The following SLCO1B1 variants were observed in gnomAD, a reference collection of about 807,000 sequenced individuals.
SLCO1B1 encodes solute carrier organic anion transporter family member 1B1.
Under a neutral mutation model 70.1 loss-of-function variants are expected in SLCO1B1, and 81 were observed. The observed-to-expected ratio is 1.16, with a 90% CI of 0.97 to 1.39. The LOEUF is 1.39. SLCO1B1 is among the 40% of genes most tolerant of loss of function. The pLI, the probability that SLCO1B1 is intolerant of heterozygous loss-of-function variation, is 0.00. For synonymous variants in SLCO1B1, 283 were observed against 271.5 expected, an observed-to-expected ratio of 1.04 and a Z score of -0.42; for missense variants, 895 against 799.6, an observed-to-expected ratio of 1.12 and a Z score of -1.44.
intron 14 of SLCO1B1, among the ~76,000 whole-genome samples, chr12:21,236,701 A>G (rs561166991): frequency 1.3e-5 from 2 of 151,970 alleles, no homozygotes; most frequent in Non-Finnish European, 2.9e-5. Context: ...TCTTTACTAC[A>G]CCACAGCTGC....
chr12:21,213,363 T>G (rs1941313087), intron 11 of SLCO1B1, among the ~76,000 whole-genome samples: 1 of 152,024 alleles, frequency 6.6e-6, no homozygotes, highest in African/African-American at 2.4e-5. Flanking sequence ...GGTTGAAAAT[T>G]CTTGTCTTTA....
At chr12:21,211,562 G>T (rs900946339) in intron 11 of SLCO1B1, among the ~76,000 whole-genome samples, 59 of 152,166 alleles carry the variant, frequency 3.9e-4, no homozygotes, top group African/African-American at 1.4e-3. Flanking sequence ...GTATCAGAAT[G>T]ATGCTGGCCT....
At chr12:21,178,864 G>A (rs1322913904) in intron 6 of SLCO1B1, 58 bp from the exon 7 acceptor site, 14 of 1,407,078 alleles carry the variant, frequency 9.9e-6, no homozygotes, top group East Asian at 6.8e-5. Flanking sequence ...TTAAAAACAT[G>A]GTGAATAAGA....
In SLCO1B1 at chr12:21,212,147, T is replaced by G. The variant is rs546587025; in HGVS notation, c.1498-4972T>G. Among the ~76,000 whole-genome samples the G allele has an allele frequency of 2.7e-4, 35 of 129,458 alleles. No homozygotes were observed. The East Asian group carries it at 3.3e-3, about 12-fold the overall frequency. The allele number at this position is 129,458 out of a possible 152,430, so 84.9% of individuals were successfully genotyped here. A position where few individuals can be genotyped will look rare whatever the true frequency, so the allele number is the denominator to read the frequency against. ...CTCTTGCTTTTCTAGTTCTTTTAATTGTGATGTTAGGGTGTCAATTTTGGA... is the reference window on the plus strand; with the variant it reads ...CTCTTGCTTTTCTAGTTCTTTTAATGGTGATGTTAGGGTGTCAATTTTGGA... On this transcript the variant is annotated intron_variant, in intron 11 of 14. Transcript: ENST00000256958.
At chr12:21,179,239 A>G (rs778612164) in intron 7 of SLCO1B1, among the ~76,000 whole-genome samples, 4 of 152,192 alleles carry the variant, frequency 2.6e-5, no homozygotes, top group Non-Finnish European at 5.9e-5. Flanking sequence ...GAGAGAATGT[A>G]AACAAATTTA....
intron 11 of SLCO1B1, among the ~76,000 whole-genome samples, chr12:21,215,686 C>CT (rs1212321846): frequency 6.6e-6 from 1 of 151,996 alleles, no homozygotes; most frequent in African/African-American, 2.4e-5. Flanking sequence ...GTTTTTGTGT[C>CT]TTGCTATATT....
intron 1 of SLCO1B1, among the ~76,000 whole-genome samples, chr12:21,132,554 T>A (rs140271500): frequency 2.9e-4 from 44 of 152,324 alleles, no homozygotes; most frequent in African/African-American, 1.1e-3. Flanking sequence ...AGTATCTCAT[T>A]GTGGTTTTGA....
In SLCO1B1 at chr12:21,239,141, T is replaced by C; in HGVS notation, c.2028T>C (p.Asn676=). 1.2e-6 allele frequency: 2 copies of C among 1,613,248 alleles called. No homozygotes were observed. The highest frequency in any genetic ancestry group is 1.7e-6 in the Non-Finnish European group (2 of 1,179,498). ...CAAACTTAGAATCCTTAAATAAAAA[T>C]AAACATTTTGTCCCTTCTGCTGGGG... is the stretch of plus-strand genomic sequence containing the variant. ...DEANLESLNK[N]KHFVPSAGAD... The change falls in exon 15 of 15, where the codon AAT becomes AAC. Residue 676 remains asparagine, a synonymous_variant. Coordinates refer to ENST00000256958, the MANE Select transcript of SLCO1B1 (RefSeq NM_006446.5).
rs139383397 is a variant in SLCO1B1 at position 21,169,306 on chromosome 12, G to A, written c.85-3344G>A. On this transcript the variant is annotated intron_variant, in intron 2 of 14. Coordinates refer to ENST00000256958, the MANE Select transcript of SLCO1B1 (RefSeq NM_006446.5). ...ATCTCTTAAGATTTAAAAAAATGGG[G>A]TCCATAATTTACAAGTTTTCAGACC... Among the ~76,000 whole-genome samples the A allele has an allele frequency of 3.1e-3, 467 of 152,170 alleles. 5 individuals carry two copies. Among genetic ancestry groups the A allele is most frequent in the African/African-American group, 0.01 (434 of 41,536 alleles).
chr12:21,132,236 T>C (rs1940147518), intron 1 of SLCO1B1, among the ~76,000 whole-genome samples: 1 of 152,214 alleles, frequency 6.6e-6, no homozygotes, highest in South Asian at 2.1e-4. Context: ...ACTCTATCGT[T>C]GTTGGACATT....
chr12:21,229,078 A>G (rs973012986), intron 14 of SLCO1B1, among the ~76,000 whole-genome samples: 2 of 152,192 alleles, frequency 1.3e-5, no homozygotes, highest in African/African-American at 4.8e-5. Context: ...TTTTTTAAAT[A>G]AACTCAATTT....
intron 11 of SLCO1B1, among the ~76,000 whole-genome samples, chr12:21,212,125 T>A: frequency 1.5e-5 from 2 of 136,842 alleles, no homozygotes; most frequent in African/African-American, 5.6e-5. Context: ...GTGTTTGCTC[T>A]TGCTTTTCTA....
intron 1 of SLCO1B1, among the ~76,000 whole-genome samples, chr12:21,137,900 A>G (rs933556223): frequency 6.6e-6 from 1 of 152,174 alleles, no homozygotes; most frequent in African/African-American, 2.4e-5. Context: ...TCAGTTGGAA[A>G]TGCAGAAATC....
chr12:21,139,895 A>T (rs1228446477), intron 1 of SLCO1B1, among the ~76,000 whole-genome samples: 1 of 151,994 alleles, frequency 6.6e-6, no homozygotes, highest in African/African-American at 2.4e-5. Context: ...TGGGCCCCAA[A>T]GATAGTGCTG....
At chr12:21,177,004 AG>A (rs1243800692) in intron 5 of SLCO1B1, 107 bp downstream of exon 5, 6 of 842,662 alleles carry the variant, frequency 7.1e-6, no homozygotes, top group African/African-American at 6.7e-5. Context: ...AAGAATGAAT[AG>A]GAAAAACATT....
chr12:21,156,936 TAGAG>T (rs1591802343), intron 2 of SLCO1B1, among the ~76,000 whole-genome samples: 1 of 152,134 alleles, frequency 6.6e-6, no homozygotes, highest in Non-Finnish European at 1.5e-5. Context: ...TTTATATTAA[TAGAG>T]AGAAAGAAGG....
intron 11 of SLCO1B1, among the ~76,000 whole-genome samples, chr12:21,209,869 G>C (rs1190971158): frequency 6.6e-6 from 1 of 152,096 alleles, no homozygotes; most frequent in Non-Finnish European, 1.5e-5. Flanking sequence ...TTTGAGAAGT[G>C]TCTGTTCATG....
intron 5 of SLCO1B1, among the ~76,000 whole-genome samples, chr12:21,177,429 A>G (rs1338365839): frequency 1.3e-5 from 2 of 152,116 alleles, no homozygotes; most frequent in Non-Finnish European, 2.9e-5. Flanking sequence ...TATATCATTT[A>G]AAGACTTTTT....
At chr12:21,189,725 G>A (rs978069578) in intron 7 of SLCO1B1, among the ~76,000 whole-genome samples, 38 of 152,064 alleles carry the variant, frequency 2.5e-4, no homozygotes, top group Non-Finnish European at 1.2e-4. Context: ...TGGGATTACA[G>A]GTTATCAGCC....
Sources: gnomAD v4.1 joint callset for allele counts (sites outside exome capture counted in the v4.1 genomes callset) on GRCh38, gnomAD v4.1.1 for gene constraint, MANE v1.5 for transcripts, NCBI Gene and HGNC (gene_info 2026-07-23, HGNC 2026-07-21) for gene names.